CACNB4: variants seen among roughly 807,000 people sequenced by gnomAD.
CACNB4 encodes the protein voltage-dependent L-type calcium channel subunit beta-4.
In CACNB4, 32 loss-of-function variants were observed where a neutral mutation model predicts 71.2. The ratio of observed to expected loss-of-function variants is 0.45; its 90% CI spans 0.34 to 0.60. The LOEUF is 0.60. Among genes scored for constraint, CACNB4 ranks in the 20% least tolerant of loss-of-function variants. CACNB4 has a pLI of 0.01. For synonymous variants in CACNB4, 231 were observed against 236.9 expected (o/e 0.97, Z 0.23); for missense variants, 464 against 647.9 (o/e 0.72, Z 3.08).
chr2:151,957,178 T>C (rs2099868473), intron 2 of CACNB4, among the ~76,000 whole-genome samples: 1 of 151,722 alleles, frequency 6.6e-6, no homozygotes, highest in Non-Finnish European at 1.5e-5. Flanking sequence ...TATAGGCCTT[T>C]TAATTTCCTA....
intron 2 of CACNB4, among the ~76,000 whole-genome samples, chr2:152,065,323 C>A (rs558646236): frequency 2.0e-5 from 3 of 151,040 alleles, no homozygotes; most frequent in Admixed American, 1.3e-4. Flanking sequence ...CCAGAGGTTG[C>A]AGTGAGCCAA....
chr2:152,001,243 C>T (rs560515952), intron 2 of CACNB4, among the ~76,000 whole-genome samples: 2 of 152,086 alleles, frequency 1.3e-5, no homozygotes, highest in African/African-American at 4.8e-5. Flanking sequence ...TGGCCAAAGG[C>T]TGAGTGCCAA....
intron 2 of CACNB4, among the ~76,000 whole-genome samples, chr2:151,996,473 T>C (rs987885729): frequency 1.5e-5 from 2 of 133,262 alleles, no homozygotes; most frequent in African/African-American, 5.7e-5. Flanking sequence ...CAAGACCCTG[T>C]CTCTTAAAAA....
At chr2:151,866,272 C>T (rs1472597723) in intron 9 of CACNB4, 1 of 152,192 alleles carries the variant, frequency 6.6e-6, no homozygotes, top group Non-Finnish European at 1.5e-5. Flanking sequence ...TTATTTTCTA[C>T]TAAGATCTGA....
Position 151,924,268 on chromosome 2 carries a change from T to C in CACNB4, c.148-40898A>G, listed in dbSNP as rs369953472. On this transcript the variant is annotated intron_variant, in intron 2 of 13. Coordinates refer to ENST00000539935, the MANE Select transcript of CACNB4 (RefSeq NM_000726.5). ...TAATTATTTGTATTTTTAGTAGAGA[T>C]GGGGTTTCACCGTGTTAGCCAGGAT... Among the ~76,000 whole-genome samples the C allele has an allele frequency of 1.4e-3, 212 of 151,418 alleles. 1 individual carries two copies. The highest frequency in any genetic ancestry group is 5.3e-3 in the East Asian group (27 of 5,142).
chr2:151,902,176 C>T (rs570519911), intron 2 of CACNB4, among the ~76,000 whole-genome samples: 92 of 151,896 alleles, frequency 6.1e-4, no homozygotes, highest in Non-Finnish European at 8.5e-4. Flanking sequence ...GGATCACAGG[C>T]GCACGCCACC....
chr2:151,980,516 G>A (rs1215993506), intron 2 of CACNB4, among the ~76,000 whole-genome samples: 1 of 152,154 alleles, frequency 6.6e-6, no homozygotes, highest in African/African-American at 2.4e-5. Context: ...GAGTTCTGTG[G>A]GAAGACAGAC....
chr2:152,004,909 G>C (rs776207956), intron 2 of CACNB4, among the ~76,000 whole-genome samples: 1 of 152,192 alleles, frequency 6.6e-6, no homozygotes, highest in Non-Finnish European at 1.5e-5. Context: ...GGAGCACTGG[G>C]TAGTGACATC....
intron 2 of CACNB4, among the ~76,000 whole-genome samples, chr2:152,034,297 C>A (rs182051584): frequency 9.2e-5 from 14 of 152,256 alleles, no homozygotes; most frequent in Admixed American, 3.3e-4. Context: ...ACACATGAGA[C>A]CTGCAGGGGA....
chr2:151,966,014 C>T (rs967943850), intron 2 of CACNB4, among the ~76,000 whole-genome samples: 1 of 152,154 alleles, frequency 6.6e-6, no homozygotes, highest in African/African-American at 2.4e-5. Flanking sequence ...GTACAAAACA[C>T]CGTGGTAATT....
chr2:151,914,810 G>A (rs944966860), intron 2 of CACNB4, among the ~76,000 whole-genome samples: 10 of 152,178 alleles, frequency 6.6e-5, no homozygotes, highest in African/African-American at 2.4e-4. Flanking sequence ...GCCTGGAGAT[G>A]TCACTCAAGG....
At chr2:151,913,635 G>A (rs1372523329) in intron 2 of CACNB4, among the ~76,000 whole-genome samples, 1 of 151,840 alleles carries the variant, frequency 6.6e-6, no homozygotes, top group Non-Finnish European at 1.5e-5. Context: ...GGGTGGTGAT[G>A]GGTATCTGTA....
intron 2 of CACNB4, among the ~76,000 whole-genome samples, chr2:152,049,446 C>G (rs1032523723): frequency 6.6e-6 from 1 of 152,154 alleles, no homozygotes; most frequent in Non-Finnish European, 1.5e-5. Context: ...CCACTGCACC[C>G]GGCCTGCATT....
chr2:151,870,886 A>G (rs2099844451), intron 6 of CACNB4, 25 bp from the exon 7 acceptor site: 1 of 1,572,450 alleles, frequency 6.4e-7, no homozygotes, highest in Admixed American at 1.8e-5. Flanking sequence ...CGAGAGCCAT[A>G]TCAAAATATG....
At chr2:151,840,372 G>A (rs1470583991) in intron 13 of CACNB4, among the ~76,000 whole-genome samples, 1 of 152,226 alleles carries the variant, frequency 6.6e-6, no homozygotes, top group Non-Finnish European at 1.5e-5. Flanking sequence ...AGTGAAACAG[G>A]GAGAACCACT....
intron 2 of CACNB4, among the ~76,000 whole-genome samples, chr2:152,073,580 T>A (rs1686820380): frequency 6.6e-6 from 1 of 152,174 alleles, no homozygotes; most frequent in Non-Finnish European, 1.5e-5. Flanking sequence ...GCTAAGTATT[T>A]AAATAAACAG....
intron 2 of CACNB4, among the ~76,000 whole-genome samples, chr2:152,035,350 C>T (rs895081961): frequency 3.9e-5 from 6 of 152,172 alleles, no homozygotes; most frequent in Non-Finnish European, 8.8e-5. Context: ...CACCTGAGGT[C>T]GGGAGTTCAA....
At chr2:151,976,010 C>T (rs962607446) in intron 2 of CACNB4, among the ~76,000 whole-genome samples, 1 of 152,154 alleles carries the variant, frequency 6.6e-6, no homozygotes, top group Admixed American at 6.5e-5. Context: ...TGGAGCGCTC[C>T]CTATAGCCAA....
intron 2 of CACNB4, among the ~76,000 whole-genome samples, chr2:151,975,077 G>A (rs1030590960): frequency 2.6e-5 from 4 of 152,226 alleles, no homozygotes; most frequent in African/African-American, 4.8e-5. Flanking sequence ...TTCTTCACCC[G>A]CCAAAATGAG....
Sources: allele counts gnomAD v4.1 joint callset (sites outside exome capture counted in the v4.1 genomes callset), GRCh38; gene constraint gnomAD v4.1.1; transcripts MANE v1.5; gene names NCBI Gene and HGNC (gene_info 2026-07-23, HGNC 2026-07-21).